Variants in VPS54 observed in about 807,000 individuals in gnomAD.
The protein encoded by VPS54 is VPS54 subunit of GARP complex.
In VPS54, 45 loss-of-function variants were observed where a neutral mutation model predicts 121.5. The observed-to-expected ratio is 0.37, with a 90% confidence interval of 0.29 to 0.47. The LOEUF is 0.47. Ranked by LOEUF, VPS54 falls within the 20% of genes least tolerant of loss-of-function variation. The probability of loss-of-function intolerance (pLI) is 0.99; values close to 1 mark genes in which losing one functional copy is unlikely to be tolerated. For synonymous variants in VPS54, 371 were observed against 385.8 expected (o/e 0.96, Z 0.45); for missense variants, 1,090 against 1,131.4 (o/e 0.96, Z 0.52).
At chr2:63,978,649 T>C (rs994653863) in intron 3 of VPS54, among the ~76,000 whole-genome samples, 6 of 152,080 alleles carry the variant, frequency 3.9e-5, no homozygotes, top group African/African-American at 7.2e-5. Context: ...TGAGATGGAG[T>C]CTTGCTGTCA....
intron 22 of VPS54, 66 bp from the exon 23 acceptor site, chr2:63,893,601 G>A: frequency 7.2e-7 from 1 of 1,382,480 alleles, no homozygotes; most frequent in South Asian, 1.3e-5. Context: ...TAAAGTAACA[G>A]TGCTCACCGA....
rs183840699 is a variant in VPS54 at position 63,893,226 on chromosome 2, C to G, written c.*204G>C. On this transcript the variant is annotated 3_prime_UTR_variant, in exon 23 of 23. Transcript: ENST00000272322. ...GTTATAGACACCTGATCAGTTACTCCTCACTGTAGGATGCACAAAAATGAC... is the reference window on the plus strand; with the variant it reads ...GTTATAGACACCTGATCAGTTACTCGTCACTGTAGGATGCACAAAAATGAC... The G allele has an allele frequency of 8.9e-5, 57 of 640,366 alleles. No homozygotes were observed. The highest frequency in any genetic ancestry group is 1.5e-4 in the Non-Finnish European group (53 of 352,520). 39.7% of individuals were successfully genotyped at this position (640,366 alleles called of 1,614,324 possible).
chr2:63,933,787 G>C lies in VPS54; in HGVS notation c.1625C>G (p.Pro542Arg), dbSNP rs1385123436. ...ATCACTGCTGCAGGGCTCACTATTT[G>C]GAGATGCATTTCTTTGAGAGGTAGT... is the stretch of plus-strand genomic sequence containing the variant. ...VDTTSQRNAS[P>R]NSEPCSSDSV... Residue 542 changes from proline (P) to arginine (R), a missense_variant, in exon 12 of 23, where the codon CCA becomes CGA. Pro to Arg is a moderately radical substitution (Grantham distance 103). This residue lies in a region of VPS54 where 801 missense variants were observed against 757.0 expected (regional missense o/e 1.06). Coordinates refer to ENST00000272322, the MANE Select transcript of VPS54 (RefSeq NM_016516.3). 1.2e-6 allele frequency: 2 copies of C among 1,613,838 alleles called. No individual in the cohort carries two copies. Among genetic ancestry groups the C allele is most frequent in the Admixed American group, 3.3e-5 (2 of 59,956 alleles).
In VPS54 at chr2:64,016,573, T is replaced by A. The variant is rs373459028; in HGVS notation, c.-21+2365A>T. ...TCTAAAATTAGATTATGGTGATGGT[T>A]GCACAATTATTTAATCTAAAAACCA... is the stretch of plus-strand genomic sequence containing the variant. On this transcript the variant is annotated intron_variant, in intron 1 of 22. Coordinates refer to ENST00000272322, the MANE Select transcript of VPS54 (RefSeq NM_016516.3). Among the ~76,000 whole-genome samples the A allele has an allele frequency of 3.7e-4, 56 of 151,866 alleles. 1 individual carries two copies. In the East Asian group the frequency reaches 0.01, roughly 28 times the overall value.
chr2:63,958,355 A>G (rs1675595670), intron 7 of VPS54, among the ~76,000 whole-genome samples: 1 of 152,242 alleles, frequency 6.6e-6, no homozygotes, highest in Non-Finnish European at 1.5e-5. Context: ...ATTATTTGCT[A>G]CTAATGACTA....
chr2:64,005,561 C>T (rs1470373264), intron 1 of VPS54, among the ~76,000 whole-genome samples: 2 of 152,186 alleles, frequency 1.3e-5, no homozygotes, highest in African/African-American at 2.4e-5. Flanking sequence ...ACTGTCCATA[C>T]TGTATCCATG....
At chr2:63,917,003 G>A in intron 15 of VPS54, 40 bp from the exon 16 acceptor site, 1 of 1,601,510 alleles carries the variant, frequency 6.2e-7, no homozygotes, top group South Asian at 1.1e-5. Context: ...AAGAGTACCA[G>A]ACGAAACAAA....
In VPS54 at chr2:63,933,729, A is replaced by G. The variant is rs1674321266; in HGVS notation, c.1683T>C (p.Ser561=). Residue 561 remains serine (S), a synonymous_variant, in exon 12 of 23, where the codon TCT becomes TCC. Transcript: ENST00000272322. The part of the protein sequence containing the change: ...SVSEPECTTD[S]SSSKEHTSSS... ...ATGATGTGTGCTCTTTGCTGGATGAAGAATCAGTAGTACATTCTGGCTCGG... is the reference window on the plus strand; with the variant it reads ...ATGATGTGTGCTCTTTGCTGGATGAGGAATCAGTAGTACATTCTGGCTCGG... The G allele has an allele frequency of 2.5e-6, 4 of 1,613,672 alleles. No homozygotes were observed. The highest frequency in any genetic ancestry group is 3.3e-5 in the Admixed American group (2 of 59,968).
intron 22 of VPS54, 79 bp from the exon 23 acceptor site, chr2:63,893,614 CAG>C: frequency 4.0e-6 from 5 of 1,238,714 alleles, no homozygotes; most frequent in Non-Finnish European, 4.5e-6. Context: ...CTCACCGAGT[CAG>C]AGTCCTATTA....
At chr2:63,899,641 C>G in intron 20 of VPS54, 60 bp from the exon 21 acceptor site, 4 of 1,359,416 alleles carry the variant, frequency 2.9e-6, no homozygotes, top group South Asian at 2.4e-5. Context: ...AATGTCTCCA[C>G]CATTCCCTGA....
At chr2:63,934,458 CA>C (rs1241441702) in intron 11 of VPS54, among the ~76,000 whole-genome samples, 1 of 152,136 alleles carries the variant, frequency 6.6e-6, no homozygotes, top group African/African-American at 2.4e-5. Context: ...ACTCTCCAGA[CA>C]TTCTAGTTCT....
At chr2:63,988,294 G>T (rs183671315) in intron 1 of VPS54, among the ~76,000 whole-genome samples, 41 of 152,180 alleles carry the variant, frequency 2.7e-4, no homozygotes, top group Admixed American at 2.1e-3. Flanking sequence ...TCATTCTCTT[G>T]ATATGATGTA....
intron 12 of VPS54, among the ~76,000 whole-genome samples, chr2:63,926,437 G>A (rs1033540092): frequency 6.6e-6 from 1 of 152,206 alleles, no homozygotes; most frequent in Non-Finnish European, 1.5e-5. Flanking sequence ...TGTTATAGCT[G>A]ACTTTATGCT....
intron 12 of VPS54, among the ~76,000 whole-genome samples, chr2:63,930,417 T>C (rs1030556038): frequency 1.3e-5 from 2 of 152,120 alleles, no homozygotes; most frequent in African/African-American, 2.4e-5. Flanking sequence ...AAAAACCACA[T>C]GATTATCTCA....
intron 8 of VPS54, among the ~76,000 whole-genome samples, chr2:63,947,742 G>C (rs1167330333): frequency 6.6e-6 from 1 of 152,078 alleles, no homozygotes; most frequent in African/African-American, 2.4e-5. Flanking sequence ...AACAATACAA[G>C]GGTATTTTTT....
chr2:64,017,064 C>T (rs941526212), intron 1 of VPS54, among the ~76,000 whole-genome samples: 9 of 141,752 alleles, frequency 6.3e-5, no homozygotes, highest in African/African-American at 2.5e-4. Flanking sequence ...GGGCCGGGGC[C>T]GGGGCGGTGG....
chr2:63,927,285 T>A (rs1476421858), intron 12 of VPS54, among the ~76,000 whole-genome samples: 4 of 152,064 alleles, frequency 2.6e-5, no homozygotes, highest in African/African-American at 9.7e-5. Flanking sequence ...TACAGGTGGG[T>A]GCCCCTCTGT....
At chr2:63,908,661 A>G (rs1673008331) in intron 20 of VPS54, among the ~76,000 whole-genome samples, 1 of 152,186 alleles carries the variant, frequency 6.6e-6, no homozygotes, top group Admixed American at 6.5e-5. Context: ...GCATTAGCCA[A>G]ATGGAACTAT....
chr2:64,013,511 G>C (rs1023157416), intron 1 of VPS54, among the ~76,000 whole-genome samples: 8 of 150,530 alleles, frequency 5.3e-5, no homozygotes, highest in African/African-American at 2.0e-4. Context: ...TTTAAGTATA[G>C]AGTATACATC....
Sources: gnomAD v4.1 joint callset for allele counts (sites outside exome capture counted in the v4.1 genomes callset) on GRCh38, gnomAD v4.1.1 for gene constraint, gnomAD v4.1.1 regional missense constraint, MANE v1.5 for transcripts, NCBI Gene and HGNC (gene_info 2026-07-23, HGNC 2026-07-21) for gene names.